Variants in ACVR1 observed in about 807,000 individuals in gnomAD.
ACVR1 encodes activin receptor type-1.
In ACVR1, 38 loss-of-function variants were observed where a neutral mutation model predicts 57.1. That is an observed-to-expected ratio of 0.67 (90% CI 0.51 to 0.87). The LOEUF is 0.87. Among genes scored for constraint, ACVR1 ranks in the 40% least tolerant of loss-of-function variants. The pLI, the probability that ACVR1 is intolerant of heterozygous loss-of-function variation, is 0.00. For missense variants in ACVR1, 463 were observed against 638.2 expected (o/e 0.73, Z 2.96); for synonymous variants, 212 against 228.1 (o/e 0.93, Z 0.63).
At chr2:157,812,543 C>T (rs562984361) in intron 2 of ACVR1, among the ~76,000 whole-genome samples, 7 of 152,144 alleles carry the variant, frequency 4.6e-5, no homozygotes, top group South Asian at 4.2e-4. Context: ...TGCTTCTTTT[C>T]GTGTTTTATT....
chr2:157,822,981 C>A (rs1368042462), intron 1 of ACVR1, among the ~76,000 whole-genome samples: 1 of 152,180 alleles, frequency 6.6e-6, no homozygotes, highest in Non-Finnish European at 1.5e-5. Context: ...TCTTGCAATA[C>A]CAAGCGTAGG....
chr2:157,807,000 T>C (rs1314342684), intron 2 of ACVR1: 2 of 152,116 alleles, frequency 1.3e-5, no homozygotes, highest in Non-Finnish European at 2.9e-5. Context: ...GTTTATCCTG[T>C]AGTTAGAGGA....
chr2:157,772,933 C>A (rs944218685), intron 6 of ACVR1, among the ~76,000 whole-genome samples: 1 of 152,214 alleles, frequency 6.6e-6, no homozygotes, highest in African/African-American at 2.4e-5. Flanking sequence ...CTCTTCCTAC[C>A]TCTGCCCTTC....
At chr2:157,790,654 G>A (rs1239046661) in intron 3 of ACVR1, among the ~76,000 whole-genome samples, 1 of 152,160 alleles carries the variant, frequency 6.6e-6, no homozygotes, top group East Asian at 1.9e-4. Context: ...TTCGCACTAA[G>A]GCTTTGTTTT....
In ACVR1 at chr2:157,778,180, C is replaced by T. The variant is rs1269251512; in HGVS notation, c.494G>A (p.Gly165Asp). Reference sequence around the variant, plus strand: ...GGTGGTGATGAGCCCTTCGATAGTGCCATACTCCACGTCTCGGGGATTGAG... The same window carrying T: ...GGTGGTGATGAGCCCTTCGATAGTGTCATACTCCACGTCTCGGGGATTGAG... ...ERLNPRDVEYGTIEGLITTNV... is the reference protein window; with the variant it reads ...ERLNPRDVEYDTIEGLITTNV... Residue 165 changes from glycine to aspartate, a missense_variant, in exon 5 of 11, where the codon GGC (glycine) becomes GAC (aspartate). Around this residue, in one of 3 missense-constraint regions of ACVR1, gnomAD observed 203 missense variants for 235.5 expected, o/e 0.86. Transcript: ENST00000434821. The T allele has an allele frequency of 6.2e-7, 1 of 1,613,888 alleles. No individual in the cohort carries two copies. Among genetic ancestry groups the T allele is most frequent in the Non-Finnish European group, 8.5e-7 (1 of 1,179,934 alleles).
At chr2:157,816,858 G>C (rs899881176) in intron 2 of ACVR1, among the ~76,000 whole-genome samples, 2 of 152,060 alleles carry the variant, frequency 1.3e-5, no homozygotes, top group Admixed American at 6.6e-5. Flanking sequence ...TGCACTTCAG[G>C]CTTCCCCTCA....
At chr2:157,860,697 A>G (rs917765576) in intron 1 of ACVR1, among the ~76,000 whole-genome samples, 15 of 152,188 alleles carry the variant, frequency 9.9e-5, no homozygotes, top group African/African-American at 3.6e-4. Flanking sequence ...ATACTTCCAG[A>G]CAATTTTTAG....
chr2:157,762,443 G>A (rs1685695371), intron 8 of ACVR1, among the ~76,000 whole-genome samples: 1 of 152,142 alleles, frequency 6.6e-6, no homozygotes, highest in Admixed American at 6.5e-5. Flanking sequence ...TGGGAGTATT[G>A]GAAGGTATTT....
intron 1 of ACVR1, among the ~76,000 whole-genome samples, chr2:157,848,939 C>A (rs1159872599): frequency 6.6e-6 from 1 of 152,004 alleles, no homozygotes; most frequent in Non-Finnish European, 1.5e-5. Flanking sequence ...TAACTACACA[C>A]ATTTTACAAA....
chr2:157,837,036 C>T (rs940084017), intron 1 of ACVR1, among the ~76,000 whole-genome samples: 55 of 152,172 alleles, frequency 3.6e-4, no homozygotes, highest in Admixed American at 2.0e-3. Context: ...ACGTTTCTCT[C>T]GCCTGTAAAA....
At chr2:157,787,652 C>T (rs889959155) in intron 3 of ACVR1, among the ~76,000 whole-genome samples, 1 of 152,150 alleles carries the variant, frequency 6.6e-6, no homozygotes, top group Admixed American at 6.5e-5. Flanking sequence ...GCTCTGTTCG[C>T]GCCACAGGAA....
intron 5 of ACVR1, 96 bp downstream of exon 5, chr2:157,778,035 G>T: frequency 1.6e-6 from 2 of 1,282,948 alleles, no homozygotes; most frequent in South Asian, 1.2e-5. Flanking sequence ...ACACTGTTCA[G>T]TCACTCATTA....
chr2:157,835,353 G>A (rs1688745228), intron 1 of ACVR1, among the ~76,000 whole-genome samples: 1 of 152,036 alleles, frequency 6.6e-6, no homozygotes, highest in South Asian at 2.1e-4. Flanking sequence ...CTGCCTCACA[G>A]AATTATCCTA....
At chr2:157,842,806 C>A (rs930575620) in intron 1 of ACVR1, among the ~76,000 whole-genome samples, 2 of 152,096 alleles carry the variant, frequency 1.3e-5, no homozygotes, top group Non-Finnish European at 2.9e-5. Context: ...TAATTTTAAT[C>A]TAAAATATTA....
chr2:157,785,729 TG>T (rs559033564), intron 3 of ACVR1, among the ~76,000 whole-genome samples: 69 of 152,188 alleles, frequency 4.5e-4, no homozygotes, highest in Non-Finnish European at 9.1e-4. Flanking sequence ...TCAGCAGTTA[TG>T]GGGGCAAATA....
chr2:157,850,606 T>C (rs907320428), intron 1 of ACVR1, among the ~76,000 whole-genome samples: 1 of 152,134 alleles, frequency 6.6e-6, no homozygotes, highest in Non-Finnish European at 1.5e-5. Flanking sequence ...CTTGACAACA[T>C]CTCTTATGAA....
chr2:157,851,773 G>T (rs181773556), intron 1 of ACVR1, among the ~76,000 whole-genome samples: 34 of 151,902 alleles, frequency 2.2e-4, no homozygotes, highest in African/African-American at 7.7e-4. Flanking sequence ...GCAACTGCAG[G>T]TAATGGAGAG....
intron 9 of ACVR1, among the ~76,000 whole-genome samples, chr2:157,759,594 T>G (rs1005484045): frequency 1.3e-5 from 2 of 151,808 alleles, no homozygotes; most frequent in Non-Finnish European, 2.9e-5. Flanking sequence ...TCATTCTGAG[T>G]CCAGAATCAC....
chr2:157,793,489 T>C (rs1176982542), intron 3 of ACVR1, among the ~76,000 whole-genome samples: 1 of 152,210 alleles, frequency 6.6e-6, no homozygotes, highest in East Asian at 1.9e-4. Flanking sequence ...GATCATTTTG[T>C]AAAATAAGAA....
Sources: allele counts gnomAD v4.1 joint callset (sites outside exome capture counted in the v4.1 genomes callset), GRCh38; gene constraint gnomAD v4.1.1; regional missense constraint gnomAD v4.1.1; transcripts MANE v1.5; gene names NCBI Gene and HGNC (gene_info 2026-07-23, HGNC 2026-07-21).